RNASEL: variants seen among roughly 807,000 people sequenced by gnomAD.
RNASEL encodes the protein 2-5A-dependent ribonuclease.
RNASEL carries 36 observed loss-of-function variants against 50.9 expected under a neutral mutation model. The observed-to-expected ratio is 0.71, with a 90% CI of 0.54 to 0.93. The LOEUF (loss-of-function observed/expected upper bound fraction) is 0.93, where lower values mean the gene tolerates loss of function less well. RNASEL is among the 40% of genes least tolerant of loss of function. RNASEL has a pLI of 0.00. For synonymous variants in RNASEL, 335 were observed against 335.6 expected, an observed-to-expected ratio of 1.00 and a Z score of 0.02; for missense variants, 860 against 894.5, an observed-to-expected ratio of 0.96 and a Z score of 0.49.
chr1:182,581,362 A>G lies in RNASEL; in HGVS notation c.1773-5T>C, dbSNP rs553005026. 6.2e-7 allele frequency: 1 copy of G among 1,614,066 alleles called. No homozygotes were observed. Among genetic ancestry groups the G allele is most frequent in the Middle Eastern group, 1.6e-4 (1 of 6,062 alleles). Reference sequence around the variant, plus strand: ...TTCCGAAGCGTCCTATAGCGGCTGAAGATGACTAAATGATCTAAATGATCA... The same window carrying G: ...TTCCGAAGCGTCCTATAGCGGCTGAGGATGACTAAATGATCTAAATGATCA... On this transcript the variant is annotated splice_region_variant and splice_polypyrimidine_tract_variant and intron_variant, in intron 4 of 6. Transcript: ENST00000367559.
Position 182,575,593 on chromosome 1 carries a change from A to C in RNASEL, c.2040-15T>G. 3 of 1,614,016 alleles carry C rather than the reference A, an allele frequency of 1.9e-6. No homozygotes were observed. Among genetic ancestry groups the C allele is most frequent in the Non-Finnish European group, 2.5e-6 (3 of 1,179,980 alleles). ...TTAATTTCATCCTGAAATAAAACAC[A>C]AATTGTTCAGCATGCTTGCCCCAAA... On this transcript the variant is annotated splice_polypyrimidine_tract_variant and intron_variant, in intron 6 of 6. Transcript: ENST00000367559.
At chr1:182,588,841 G>A (rs1391266805) in intron 1 of RNASEL, among the ~76,000 whole-genome samples, 1 of 152,202 alleles carries the variant, frequency 6.6e-6, no homozygotes, top group Non-Finnish European at 1.5e-5. Flanking sequence ...AGGAAGCCCT[G>A]AGTGACGCAT....
rs936034966 is a variant in RNASEL at position 182,577,508 on chromosome 1, G to A, written c.1906-1119C>T. On this transcript the variant is annotated intron_variant, in intron 5 of 6. Coordinates refer to ENST00000367559, the MANE Select transcript of RNASEL (RefSeq NM_021133.4). Reference sequence around the variant, plus strand: ...TTGTTTGTTTGTTTTTGTTTTTTTAGGTATATTTCCAAAAGGAATAACTAA... The same window carrying A: ...TTGTTTGTTTGTTTTTGTTTTTTTAAGTATATTTCCAAAAGGAATAACTAA... Among the ~76,000 whole-genome samples the A allele has an allele frequency of 2.0e-5, 3 of 151,996 alleles. No homozygotes were observed. The East Asian group carries it at 5.8e-4, about 29-fold the overall frequency.
chr1:182,579,588 A>G (rs1358779883), intron 5 of RNASEL: 9 of 1,158,680 alleles, frequency 7.8e-6, no homozygotes. Flanking sequence ...CTCCAGACCT[A>G]TGCTGACAAA....
At chr1:182,581,482 T>A in intron 4 of RNASEL, 125 bp from the exon 5 acceptor site, 1 of 1,065,308 alleles carries the variant, frequency 9.4e-7, no homozygotes, top group East Asian at 2.6e-5. Context: ...TCTTTTTTTT[T>A]TTTTTTTTTT....
rs1293976702 is a variant in RNASEL, at chr1:182,575,456, C to T, written c.2162G>A (p.Ser721Asn). ...TCCATCACACTGAGGCTTGTTTGGA[C>T]TGTGGGTTTGGGGGAAATGCTTTCT... Reference protein sequence around the residue: ...EYRKHFPQTHSPNKPQCDGAG... With the variant: ...EYRKHFPQTHNPNKPQCDGAG... Residue 721 changes from serine to asparagine, a missense_variant, in exon 7 of 7, where the codon AGT (serine) becomes AAT (asparagine). Ser to Asn is a conservative substitution (Grantham distance 46). Coordinates refer to ENST00000367559, the MANE Select transcript of RNASEL (RefSeq NM_021133.4). The T allele has an allele frequency of 6.2e-7, 1 of 1,614,150 alleles. No individual in the cohort carries two copies. The highest frequency in any genetic ancestry group is 1.7e-5 in the Admixed American group (1 of 60,016).
At chr1:182,583,939 CGT>C in intron 3 of RNASEL, 140 bp downstream of exon 3, 1 of 703,312 alleles carries the variant, frequency 1.4e-6, no homozygotes, top group Admixed American at 2.1e-5. Context: ...ATGTTGTGAC[CGT>C]GTGAGTCAAT....
At chr1:182,576,120 C>T in intron 6 of RNASEL, 136 bp downstream of exon 6, 1 of 833,554 alleles carries the variant, frequency 1.2e-6, no homozygotes, top group Non-Finnish European at 1.9e-6. Context: ...AGCCCTTTTA[C>T]ACACAGAGGG....
chr1:182,578,974 A>G (rs777790704), intron 5 of RNASEL: 1 of 152,524 alleles, frequency 6.6e-6, no homozygotes, highest in Admixed American at 6.5e-5. Flanking sequence ...AATGACTTAC[A>G]AACAGAAAGT....
intron 5 of RNASEL, chr1:182,579,660 T>G: frequency 8.7e-7 from 1 of 1,143,478 alleles, no homozygotes; most frequent in South Asian, 1.8e-5. Context: ...AAATGGGAAT[T>G]AAAAGGTAAA....
intron 1 of RNASEL, 57 bp from the exon 2 acceptor site, chr1:182,587,027 A>G: frequency 4.2e-6 from 2 of 478,046 alleles, no homozygotes; most frequent in South Asian, 7.4e-5. Flanking sequence ...CACTTGAATC[A>G]GAGAAATTAA....
At position 182,585,966 on chromosome 1, in the gene RNASEL, C is replaced by G; in HGVS notation, c.841G>C (p.Val281Leu). 1 of 1,614,194 alleles carries G rather than the reference C, an allele frequency of 6.2e-7. No individual in the cohort carries two copies. Residue 281 changes from valine to leucine, a missense_variant, in exon 2 of 7, where the codon GTT becomes CTT. Coordinates refer to ENST00000367559, the MANE Select transcript of RNASEL (RefSeq NM_021133.4). ...SDGKTALLLAVELKLKKIAEL... is the reference protein window; with the variant it reads ...SDGKTALLLALELKLKKIAEL... ...GCGATTTTCTTCAGTTTGAGTTCAA[C>G]AGCAAGCAGCAGTGCTGTTTTGCCA...
At chr1:182,588,022 C>T (rs1004665402) in intron 1 of RNASEL, among the ~76,000 whole-genome samples, 4 of 152,124 alleles carry the variant, frequency 2.6e-5, no homozygotes, top group African/African-American at 4.8e-5. Flanking sequence ...TGATTTTGCC[C>T]AACTGTAGCC....
In RNASEL at chr1:182,585,904, A is replaced by G; in HGVS notation, c.903T>C (p.Cys301=). 6.2e-7 allele frequency: 1 copy of G among 1,612,978 alleles called. No homozygotes were observed. Among genetic ancestry groups the G allele is most frequent in the Non-Finnish European group, 8.5e-7 (1 of 1,179,022 alleles). ...LLCKRGASTD[C]GDLVMTARRN... ...GCCTCGCTGTCATAACAAGATCCCC[A>G]CAATCTGTACTGGCTCCACGTTTGC... The change falls in exon 2 of 7, where the codon TGT becomes TGC. Residue 301 remains cysteine, a synonymous_variant. Transcript: ENST00000367559.
At position 182,584,126 on chromosome 1, in the gene RNASEL, G is replaced by C. The variant is rs1436181040; in HGVS notation, c.1521C>G (p.Ser507Arg). The change falls in exon 3 of 7, where the codon AGC becomes AGG. Residue 507 changes from serine to arginine, a missense_variant. Physicochemically the swap from Ser to Arg is moderately radical, Grantham distance 110 (BLOSUM62 -1). Coordinates refer to ENST00000367559, the MANE Select transcript of RNASEL (RefSeq NM_021133.4). ...KAAHLADFDK[S>R]IKWAGDPQEV... Reference sequence around the variant, plus strand: ...CCTGTGGATCTCCAGCCCACTTGATGCTCTTATCAAAATCTGCCAGGTGAG... The same window carrying C: ...CCTGTGGATCTCCAGCCCACTTGATCCTCTTATCAAAATCTGCCAGGTGAG... 5.0e-6 allele frequency: 8 copies of C among 1,613,918 alleles called. No individual in the cohort carries two copies. In the African/African-American group the frequency reaches 8.0e-5, roughly 16 times the overall value.
chr1:182,586,970 C>T lies in RNASEL; in HGVS notation c.-164G>A. On this transcript the variant is annotated splice_region_variant and 5_prime_UTR_variant, in exon 2 of 7. It adds an upstream start codon to the 5' untranslated region. Transcript: ENST00000367559. ...ATGTTCTCAGTCTTCTGACATTCCA[C>T]CTGGCAACGAAGAGAGGTGCTTTGT... The T allele has an allele frequency of 1.2e-6, 1 of 853,932 alleles. No homozygotes were observed. The highest frequency in any genetic ancestry group is 1.9e-6 in the Non-Finnish European group (1 of 536,676). The allele number at this position is 853,932 out of a possible 1,614,324, so 52.9% of individuals were successfully genotyped here.
In RNASEL at chr1:182,573,971, C is replaced by A. The variant is rs1035700604; in HGVS notation, c.*1421G>T. On this transcript the variant is annotated 3_prime_UTR_variant, in exon 7 of 7. Transcript: ENST00000367559. ...AAATTTGTTCAAATCAAGATAGTAA[C>A]ACTTCCTAGCTATACGTCCTAGAGG... 5.0e-6 allele frequency: 1 copy of A among 199,958 alleles called. No homozygotes were observed. Among genetic ancestry groups the A allele is most frequent in the African/African-American group, 2.3e-5 (1 of 43,530 alleles). The allele number at this position is 199,958 out of a possible 1,614,324, so 12.4% of individuals were successfully genotyped here.
Position 182,582,042 on chromosome 1 carries a change from G to A in RNASEL, c.1772+11C>T. On this transcript the variant is annotated intron_variant, in intron 4 of 6. Coordinates refer to ENST00000367559, the MANE Select transcript of RNASEL (RefSeq NM_021133.4). The stretch of plus-strand genomic sequence containing the variant: ...TGGAGGCCTGTGGCATCTGCACAAA[G>A]TTTTACTTACCTCTCCCAAGTCCAA... The A allele has an allele frequency of 1.9e-6, 3 of 1,613,684 alleles. No homozygotes were observed. The highest frequency in any genetic ancestry group is 2.5e-6 in the Non-Finnish European group (3 of 1,179,712).
chr1:182,586,068 C>T lies in RNASEL; in HGVS notation c.739G>A (p.Val247Met). ...ACCAAACCCAAGTGCTTCTTCTCCA[C>T]TGCCAGGATCAGGGGAGTCTTCCCT... ...ERGKTPLILA[V>M]EKKHLGLVQR... The change falls in exon 2 of 7, where the codon GTG becomes ATG. Residue 247 changes from valine (V) to methionine (M), a missense_variant. Transcript: ENST00000367559. 9 of 1,614,130 alleles carry T rather than the reference C, an allele frequency of 5.6e-6. No individual in the cohort carries two copies. Among genetic ancestry groups the T allele is most frequent in the Middle Eastern group, 1.7e-4 (1 of 6,060 alleles).
Sources: allele counts gnomAD v4.1 joint callset (sites outside exome capture counted in the v4.1 genomes callset), GRCh38; gene constraint gnomAD v4.1.1; transcripts MANE v1.5; gene names NCBI Gene and HGNC (gene_info 2026-07-23, HGNC 2026-07-21).